The following UPF1 variants were observed in gnomAD, a reference collection of about 807,000 sequenced individuals.
UPF1 encodes regulator of nonsense transcripts 1.
Under a neutral mutation model 129.2 loss-of-function variants are expected in UPF1, and 9 were observed. That is an observed-to-expected ratio of 0.07 (90% CI 0.04 to 0.12). UPF1 has a LOEUF of 0.12. Among genes scored for constraint, UPF1 ranks in the 10% least tolerant of loss-of-function variants. UPF1 has a pLI of 1.00. For synonymous variants in UPF1, 649 were observed against 644.9 expected (o/e 1.01, Z -0.10); for missense variants, 788 against 1,525.3 (o/e 0.52, Z 8.05).
rs368132706 is a variant in UPF1 at position 18,832,369 on chromosome 19, C to T, written c.160C>T (p.Pro54Ser). ...GACGCCCCCCGGCGGCCCCGGCGGCCCGGGCGGTGGCGGCGCGGGAGGCCC... is the reference window on the plus strand; with the variant it reads ...GACGCCCCCCGGCGGCCCCGGCGGCTCGGGCGGTGGCGGCGCGGGAGGCCC... The part of the protein sequence containing the change: ...TQTPPGGPGG[P>S]GGGGAGGPGG... Residue 54 changes from proline to serine, a missense_variant, in exon 1 of 24, where the codon CCG (proline) becomes TCG (serine). Coordinates refer to ENST00000262803, the MANE Select transcript of UPF1 (RefSeq NM_002911.4). This position sits in a 1 kb window ranked among gnomAD's most constrained non-coding sequence, Gnocchi z 5.6. 1.5e-6 allele frequency: 2 copies of T among 1,296,916 alleles called. No homozygotes were observed. Among genetic ancestry groups the T allele is most frequent in the African/African-American group, 1.5e-5 (1 of 64,636 alleles). 80.3% of individuals were successfully genotyped at this position (1,296,916 alleles called of 1,614,324 possible).
At position 18,852,314 on chromosome 19, in the gene UPF1, G is replaced by A; in HGVS notation, c.972+18G>A. On this transcript the variant is annotated intron_variant, in intron 6 of 23. Coordinates refer to ENST00000262803, the MANE Select transcript of UPF1 (RefSeq NM_002911.4). ...AGTCCCAGGTGATGTGTGCGAGAGG[G>A]CTTGGCCTGGGGTGGGCTCTGGCTC... 4 of 1,610,476 alleles carry A rather than the reference G, an allele frequency of 2.5e-6. No homozygotes were observed. Among genetic ancestry groups the A allele is most frequent in the Non-Finnish European group, 3.4e-6 (4 of 1,178,432 alleles).
At chr19:18,866,216 G>A in intron 23 of UPF1, 50 bp downstream of exon 23, 1 of 1,510,734 alleles carries the variant, frequency 6.6e-7, no homozygotes, top group Non-Finnish European at 8.8e-7. Context: ...CAAGGAGAAG[G>A]ATGGGAGGGG....
At chr19:18,854,279 G>A (rs1464264297) in intron 8 of UPF1, among the ~76,000 whole-genome samples, 3 of 152,234 alleles carry the variant, frequency 2.0e-5, no homozygotes, top group African/African-American at 7.2e-5. Flanking sequence ...GCTGCTCCCT[G>A]CTGGTGAGCG....
Position 18,860,364 on chromosome 19 carries a change from C to T in UPF1, c.2226C>T (p.Pro742=), listed in dbSNP as rs137982741. The change falls in exon 16 of 24, where the codon CCC becomes CCT. Residue 742 remains proline (P), a synonymous_variant. Transcript: ENST00000262803. ...KKGFDFQWPQ[P]DKPMFFYVTQ... ...GATTTGACTTCCAGTGGCCCCAACCCGATAAACCGATGTTCTTCTACGTGA... is the reference window on the plus strand; with the variant it reads ...GATTTGACTTCCAGTGGCCCCAACCTGATAAACCGATGTTCTTCTACGTGA... 5.3e-5 allele frequency: 86 copies of T among 1,614,114 alleles called. No individual in the cohort carries two copies. The highest frequency in any genetic ancestry group is 3.5e-4 in the African/African-American group (26 of 75,042).
intron 1 of UPF1, among the ~76,000 whole-genome samples, chr19:18,834,686 T>C (rs574146744): frequency 1.3e-5 from 2 of 152,116 alleles, no homozygotes; most frequent in Admixed American, 6.5e-5. Flanking sequence ...AGAACGGAAT[T>C]TGGGGGCAAG....
At chr19:18,847,687 A>G (rs2055615336) in intron 2 of UPF1, 57 bp from the exon 3 acceptor site, 3 of 1,551,068 alleles carry the variant, frequency 1.9e-6, no homozygotes, top group South Asian at 2.2e-5. Flanking sequence ...ACATCTTGCC[A>G]AATGAAAACC....
chr19:18,838,685 T>G lies in UPF1; in HGVS notation c.231+6245T>G, dbSNP rs981653925. On this transcript the variant is annotated intron_variant, in intron 1 of 23. Coordinates refer to ENST00000262803, the MANE Select transcript of UPF1 (RefSeq NM_002911.4). Reference sequence around the variant, plus strand: ...ATGCTCATGACTTCATTTTGGCTTTTTGAATCCTCTGGTAGCCCAGGTGTG... The same window carrying G: ...ATGCTCATGACTTCATTTTGGCTTTGTGAATCCTCTGGTAGCCCAGGTGTG... Among the ~76,000 whole-genome samples the G allele has an allele frequency of 1.1e-4, 16 of 152,132 alleles. No individual in the cohort carries two copies. In the South Asian group the frequency reaches 3.3e-3, roughly 32 times the overall value.
chr19:18,857,567 C>T (rs2055732224), intron 15 of UPF1, 34 bp downstream of exon 15: 4 of 1,552,234 alleles, frequency 2.6e-6, no homozygotes, highest in Admixed American at 2.0e-5. Flanking sequence ...GGGGCTTCTA[C>T]AGAGAAGCGG....
chr19:18,842,644 G>T (rs1319635750), intron 1 of UPF1, among the ~76,000 whole-genome samples: 1 of 152,076 alleles, frequency 6.6e-6, no homozygotes, highest in Non-Finnish European at 1.5e-5. Context: ...ATCACTCTGA[G>T]GGTGTGGTGA....
At chr19:18,843,911 C>T (rs545443583) in intron 1 of UPF1, among the ~76,000 whole-genome samples, 4 of 151,952 alleles carry the variant, frequency 2.6e-5, no homozygotes, top group Non-Finnish European at 5.9e-5. Flanking sequence ...ACACCTGGCT[C>T]GTTTGTGTAT....
intron 1 of UPF1, among the ~76,000 whole-genome samples, chr19:18,841,941 T>TA (rs748278078): frequency 2.0e-5 from 3 of 152,028 alleles, no homozygotes; most frequent in Non-Finnish European, 4.4e-5. Context: ...TATTGAAAAA[T>TA]TAAAAAACTT....
rs1350811839 is a variant in UPF1 at position 18,850,050 on chromosome 19, A to C, written c.462-25A>C. 1 of 1,613,856 alleles carries C rather than the reference A, an allele frequency of 6.2e-7. No individual in the cohort carries two copies. The highest frequency in any genetic ancestry group is 8.5e-7 in the Non-Finnish European group (1 of 1,179,912). On this transcript the variant is annotated intron_variant, in intron 3 of 23. Coordinates refer to ENST00000262803, the MANE Select transcript of UPF1 (RefSeq NM_002911.4). This position sits in a 1 kb window ranked among gnomAD's most constrained non-coding sequence, Gnocchi z 7.1. The stretch of plus-strand genomic sequence containing the variant: ...GTGAAAAGCCAAATTTTGGGTGTTA[A>C]CCGTTTATCATTTCCTGGTTTCAGC...
Position 18,850,003 on chromosome 19 carries a change from A to G in UPF1, c.462-72A>G, listed in dbSNP as rs2055640946. ...CGTGAACGGTACCGGAACTTTTAAC[A>G]GGGGCCCGAAAATTGGAAGTGGTGA... On this transcript the variant is annotated intron_variant, in intron 3 of 23. Transcript: ENST00000262803. This position sits in a 1 kb window ranked among gnomAD's most constrained non-coding sequence, Gnocchi z 7.1. The G allele has an allele frequency of 1.9e-6, 3 of 1,589,052 alleles. No homozygotes were observed. The highest frequency in any genetic ancestry group is 2.3e-5 in the South Asian group (2 of 88,796).
intron 23 of UPF1, among the ~76,000 whole-genome samples, 168 bp downstream of exon 23, chr19:18,866,334 A>C (rs2055844040): frequency 6.6e-6 from 1 of 152,116 alleles, no homozygotes; most frequent in African/African-American, 2.4e-5. Context: ...CTTCACTGCT[A>C]GTCAGGGTGG....
chr19:18,860,127 C>G, intron 15 of UPF1, 194 bp from the exon 16 acceptor site: 12 of 581,030 alleles, frequency 2.1e-5, no homozygotes, highest in Non-Finnish European at 3.1e-5. Flanking sequence ...GGTGGCCTCT[C>G]CTCAGCCTTG....
intron 23 of UPF1, 121 bp downstream of exon 23, chr19:18,866,287 G>C (rs1282200014): frequency 7.2e-7 from 1 of 1,388,826 alleles, no homozygotes; most frequent in Non-Finnish European, 9.4e-7. Context: ...GTGCCTGGTG[G>C]GGGTCATAGG....
At chr19:18,860,262 G>A in intron 15 of UPF1, 59 bp from the exon 16 acceptor site, 1 of 1,559,332 alleles carries the variant, frequency 6.4e-7, no homozygotes, top group Non-Finnish European at 8.8e-7. Flanking sequence ...CCCTGTGTCT[G>A]AACTCATTTG....
Position 18,852,237 on chromosome 19 carries a change from A to G in UPF1, c.913A>G (p.Ile305Val). The change falls in exon 6 of 24, where the codon ATA (isoleucine) becomes GTA (valine). Residue 305 changes from isoleucine to valine, a missense_variant. Around this residue, in one of 6 missense-constraint regions of UPF1, gnomAD observed 227 missense variants for 517.9 expected, o/e 0.44. Transcript: ENST00000262803. Reference sequence around the variant, plus strand: ...CGAGGACGCCTACCAGTACCAGAACATATTCGGGCCCCTGGTCAAGCTGGA... The same window carrying G: ...CGAGGACGCCTACCAGTACCAGAACGTATTCGGGCCCCTGGTCAAGCTGGA... ...RYEDAYQYQN[I>V]FGPLVKLEAD... 6.2e-7 allele frequency: 1 copy of G among 1,613,808 alleles called. No homozygotes were observed. The highest frequency in any genetic ancestry group is 8.5e-7 in the Non-Finnish European group (1 of 1,179,834).
chr19:18,835,724 A>G (rs1002203218), intron 1 of UPF1, among the ~76,000 whole-genome samples: 2 of 152,186 alleles, frequency 1.3e-5, no homozygotes, highest in Non-Finnish European at 2.9e-5. Flanking sequence ...TTATCTCGTC[A>G]TCTGTTGATG....
Sources: allele counts gnomAD v4.1 joint callset (sites outside exome capture counted in the v4.1 genomes callset), GRCh38; gene constraint gnomAD v4.1.1; regional missense constraint gnomAD v4.1.1; non-coding constraint Gnocchi (gnomAD v3.1); transcripts MANE v1.5; gene names NCBI Gene and HGNC (gene_info 2026-07-23, HGNC 2026-07-21).